MZT2B: variants seen among roughly 807,000 people sequenced by gnomAD.
MZT2B encodes the protein mitotic-spindle organizing protein 2B.
In MZT2B, 11 loss-of-function variants were observed where a neutral mutation model predicts 12.1. The ratio of observed to expected loss-of-function variants is 0.91; its 90% confidence interval spans 0.57 to 1.50. The LOEUF is 1.50. Among genes scored for constraint, MZT2B ranks in the 40% most tolerant of loss-of-function variants. MZT2B has a pLI of 0.00. For missense variants in MZT2B, 209 were observed against 227.7 expected (o/e 0.92, Z 0.53); for synonymous variants, 85 against 109.5 (o/e 0.78, Z 1.40).
At chr2:130,189,910 T>C (rs1307461067) in intron 2 of MZT2B, among the ~76,000 whole-genome samples, 4 of 152,206 alleles carry the variant, frequency 2.6e-5, no homozygotes, top group African/African-American at 9.7e-5. Context: ...AGCAAGAGGC[T>C]TGACCACTGC....
At chr2:130,194,166 T>G (rs757860739), downstream of MZT2B, 2 of 1,613,646 alleles carry the variant, frequency 1.2e-6, no homozygotes, top group Non-Finnish European at 1.7e-6. Context: ...CGATTGAGGT[T>G]GGTGTACGTG....
upstream of MZT2B, chr2:130,181,684 G>T (rs956576165): frequency 1.3e-6 from 2 of 1,548,370 alleles, no homozygotes; most frequent in African/African-American, 2.7e-5. Context: ...AAAGGCGCGT[G>T]CGCAAAGCGA....
At chr2:130,191,402 TA>T (rs1214490635), downstream of MZT2B, among the ~76,000 whole-genome samples, 1 of 152,146 alleles carries the variant, frequency 6.6e-6, no homozygotes, top group Non-Finnish European at 1.5e-5. Context: ...CCCACAGCTT[TA>T]GAGACTTCAT....
chr2:130,184,435 C>T, intron 2 of MZT2B: 1 of 985,468 alleles, frequency 1.0e-6, no homozygotes. Context: ...GCCCCGTGGC[C>T]ACACTCCAGC....
the MZT2B span, among the ~76,000 whole-genome samples, chr2:130,197,300 A>G: frequency 6.6e-6 from 1 of 151,104 alleles, no homozygotes; most frequent in Non-Finnish European, 1.5e-5. Context: ...CAGCCTGGGT[A>G]ACATAGTGAG....
At chr2:130,201,223 G>T in the MZT2B span, among the ~76,000 whole-genome samples, 1 of 152,364 alleles carries the variant, frequency 6.6e-6, no homozygotes, top group Non-Finnish European at 1.5e-5. Flanking sequence ...TCTGCCGACA[G>T]CTGGGAAAAT....
chr2:130,183,818 C>T (rs992168013), intron 2 of MZT2B: 13 of 1,550,694 alleles, frequency 8.4e-6, no homozygotes, highest in Middle Eastern at 3.4e-4. Context: ...GGAACAGTAG[C>T]CCCCCTGCAA....
At chr2:130,194,820 G>A (rs1174907160), downstream of MZT2B, among the ~76,000 whole-genome samples, 2 of 152,274 alleles carry the variant, frequency 1.3e-5, no homozygotes, top group Middle Eastern at 3.4e-3. Context: ...TGGCAGTACA[G>A]GTGTGTGCCA....
At chr2:130,202,332 T>C in the MZT2B span, 7 of 1,289,768 alleles carry the variant, frequency 5.4e-6, no homozygotes, top group South Asian at 2.5e-5. Context: ...CAGGCTTGAG[T>C]GACAACTTGA....
At chr2:130,200,431 A>G in the MZT2B span, among the ~76,000 whole-genome samples, 1 of 151,306 alleles carries the variant, frequency 6.6e-6, no homozygotes, top group Non-Finnish European at 1.5e-5. Context: ...TACATTGTCT[A>G]CATTGTCTTT....
At chr2:130,203,994 T>C in the MZT2B span, among the ~76,000 whole-genome samples, 1 of 146,268 alleles carries the variant, frequency 6.8e-6, no homozygotes, top group South Asian at 2.2e-4. Context: ...AATGTTTGGC[T>C]GGGGTGAGGT....
At chr2:130,182,511 G>C in intron 1 of MZT2B, 59 bp downstream of exon 1, 2 of 1,541,830 alleles carry the variant, frequency 1.3e-6, no homozygotes, top group Non-Finnish European at 8.7e-7. Flanking sequence ...TCTGCTTTCC[G>C]GGTACGCCCG....
the MZT2B span, chr2:130,202,175 G>A: frequency 3.5e-3 from 1,700 of 485,698 alleles, 4 homozygotes; most frequent in South Asian, 4.3e-3. Context: ...AAGTATTGCT[G>A]CCTTGTGTAT....
downstream of MZT2B, chr2:130,191,992 T>C (rs76742750): frequency 4.2e-5 from 67 of 1,612,730 alleles, no homozygotes; most frequent in East Asian, 1.4e-3. Flanking sequence ...TTGGCATACA[T>C]GAGATCGAAC....
the MZT2B span, among the ~76,000 whole-genome samples, chr2:130,200,606 G>A: frequency 2.0e-5 from 3 of 152,188 alleles, no homozygotes; most frequent in Non-Finnish European, 4.4e-5. Flanking sequence ...AACTCAAAGT[G>A]CTGTGAACAC....
chr2:130,197,509 GA>G, the MZT2B span, among the ~76,000 whole-genome samples: 11 of 95,336 alleles, frequency 1.2e-4, 1 homozygote, highest in African/African-American at 4.8e-4. Flanking sequence ...AAAAAAAAAA[GA>G]AAAGAAAAGA....
Position 130,190,687 on chromosome 2 carries a change from A to T in MZT2B, c.*61A>T. 1.9e-6 allele frequency: 3 copies of T among 1,552,988 alleles called. No homozygotes were observed. The highest frequency in any genetic ancestry group is 2.6e-6 in the Non-Finnish European group (3 of 1,145,190). On this transcript the variant is annotated 3_prime_UTR_variant, in exon 3 of 3. Transcript: ENST00000281871. ...CAAAGGCTACATGTTACCTCCTTCA[A>T]TTGATAATAAACCTTTCTGAGATGC...
upstream of MZT2B, chr2:130,182,130 A>G (rs1222495669): frequency 4.8e-6 from 6 of 1,262,672 alleles, no homozygotes; most frequent in Middle Eastern, 3.2e-4. Context: ...TTGGGCTTCA[A>G]TGACGCCGCG....
At chr2:130,191,612 C>A, downstream of MZT2B, 2 of 601,796 alleles carry the variant, frequency 3.3e-6, no homozygotes, top group Non-Finnish European at 5.4e-6. Context: ...TCTGTGGCAG[C>A]TGCTTATGTA....
Sources: gnomAD v4.1 joint callset for allele counts (sites outside exome capture counted in the v4.1 genomes callset) on GRCh38, gnomAD v4.1.1 for gene constraint, MANE v1.5 for transcripts, NCBI Gene and HGNC (gene_info 2026-07-23, HGNC 2026-07-21) for gene names.